The following RFX3 variants were observed in gnomAD, a reference collection of about 807,000 sequenced individuals.
The protein encoded by RFX3 is regulatory factor X3.
RFX3 carries 14 observed loss-of-function variants against 98.6 expected under a neutral mutation model. The observed-to-expected ratio is 0.14, with a 90% CI of 0.09 to 0.22. The LOEUF is 0.22. RFX3 is among the 10% of genes least tolerant of loss of function. The pLI, the probability that RFX3 is intolerant of heterozygous loss-of-function variation, is 1.00. For missense variants in RFX3, 639 were observed against 926.9 expected, an observed-to-expected ratio of 0.69 and a Z score of 4.03; for synonymous variants, 383 against 328.4, an observed-to-expected ratio of 1.17 and a Z score of -1.80.
At chr9:3,477,095 T>G (rs1005771782) in intron 1 of RFX3, among the ~76,000 whole-genome samples, 5 of 152,142 alleles carry the variant, frequency 3.3e-5, no homozygotes, top group African/African-American at 1.2e-4. Context: ...AATTTTTGTT[T>G]TACCTGAAAC....
intron 4 of RFX3, among the ~76,000 whole-genome samples, chr9:3,305,885 T>C (rs550654577): frequency 2.6e-4 from 39 of 152,050 alleles, no homozygotes; most frequent in African/African-American, 8.2e-4. Context: ...CTTCTGAGAG[T>C]TTACCAATCT....
chr9:3,380,891 A>G (rs1839120161), intron 2 of RFX3, among the ~76,000 whole-genome samples: 1 of 152,158 alleles, frequency 6.6e-6, no homozygotes, highest in South Asian at 2.1e-4. Flanking sequence ...TTTAAAGAGT[A>G]TGAATTTGTT....
chr9:3,237,645 C>G (rs964397625), intron 15 of RFX3, among the ~76,000 whole-genome samples: 1 of 152,184 alleles, frequency 6.6e-6, no homozygotes, highest in Admixed American at 6.5e-5. Context: ...CCTATCTACT[C>G]TACTTACCTA....
chr9:3,476,941 T>G (rs1448193326), intron 1 of RFX3, among the ~76,000 whole-genome samples: 1 of 152,126 alleles, frequency 6.6e-6, no homozygotes, highest in Non-Finnish European at 1.5e-5. Flanking sequence ...CTTTCTTAAT[T>G]CAATTTTCCC....
At chr9:3,285,956 T>C (rs1826537537) in intron 7 of RFX3, among the ~76,000 whole-genome samples, 1 of 151,782 alleles carries the variant, frequency 6.6e-6, no homozygotes, top group Non-Finnish European at 1.5e-5. Context: ...TCAGGTTTTT[T>C]TTATAAAGAA....
intron 1 of RFX3, among the ~76,000 whole-genome samples, chr9:3,405,492 T>C (rs1841872669): frequency 6.6e-6 from 1 of 152,204 alleles, no homozygotes; most frequent in African/African-American, 2.4e-5. Flanking sequence ...TAGATTTTCA[T>C]CTTTTCTATT....
intron 15 of RFX3, among the ~76,000 whole-genome samples, chr9:3,229,346 T>G (rs1342918684): frequency 6.6e-6 from 1 of 152,218 alleles, no homozygotes; most frequent in Non-Finnish European, 1.5e-5. Flanking sequence ...GAACTCTATT[T>G]TTAAAGCTTT....
chr9:3,522,556 C>CGT (rs111656079), intron 1 of RFX3, among the ~76,000 whole-genome samples: 10,171 of 145,306 alleles, frequency 0.07, 339 homozygotes, highest in Non-Finnish European at 0.084. Context: ...AGTGTGTGTG[C>CGT]GTGTGTGTGT....
intron 1 of RFX3, among the ~76,000 whole-genome samples, chr9:3,438,605 A>G (rs975737158): frequency 6.9e-5 from 10 of 145,696 alleles, no homozygotes; most frequent in Admixed American, 6.8e-4. Context: ...ATAGACTCCT[A>G]AAAAAGCAAG....
At chr9:3,447,368 T>C (rs1171866752) in intron 1 of RFX3, among the ~76,000 whole-genome samples, 1 of 152,020 alleles carries the variant, frequency 6.6e-6, no homozygotes, top group Non-Finnish European at 1.5e-5. Flanking sequence ...ATGGAGATAA[T>C]AACTGAATGA....
chr9:3,274,554 C>A (rs762906615), intron 9 of RFX3, among the ~76,000 whole-genome samples: 1 of 152,014 alleles, frequency 6.6e-6, no homozygotes, highest in African/African-American at 2.4e-5. Flanking sequence ...ATACTCAGAA[C>A]GAGAGTAGGA....
intron 1 of RFX3, chr9:3,453,787 T>C (rs1223958072): frequency 6.6e-6 from 1 of 151,090 alleles, no homozygotes; most frequent in East Asian, 1.9e-4. Flanking sequence ...ACATAAAACA[T>C]GTTTAATTAT....
intron 7 of RFX3, 65 bp from the exon 8 acceptor site, chr9:3,277,526 A>G (rs1825393085): frequency 7.1e-7 from 1 of 1,407,368 alleles, no homozygotes; most frequent in East Asian, 2.3e-5. Context: ...GTACTACCCG[A>G]AACTCCCAAA....
rs74865844 is a variant in RFX3, at chr9:3,285,314, T to C, written c.851+2817A>G. ...GTATTTTTACAAGAGACTGGCAGTCTCTTTATATAATTTTTACTGTATTCA... is the reference window on the plus strand; with the variant it reads ...GTATTTTTACAAGAGACTGGCAGTCCCTTTATATAATTTTTACTGTATTCA... On this transcript the variant is annotated intron_variant, in intron 7 of 16. Coordinates refer to ENST00000617270, the MANE Select transcript of RFX3 (RefSeq NM_001282116.2). 7.3e-4 allele frequency among the ~76,000 whole-genome samples: 111 copies of C among 152,008 alleles called. 1 individual carries two copies. In the East Asian group the frequency reaches 0.018, roughly 25 times the overall value.
At chr9:3,317,428 C>A (rs1159384829) in intron 4 of RFX3, among the ~76,000 whole-genome samples, 1 of 152,100 alleles carries the variant, frequency 6.6e-6, no homozygotes, top group East Asian at 1.9e-4. Context: ...AGAAGAAAAC[C>A]TAGGCAATAC....
intron 4 of RFX3, among the ~76,000 whole-genome samples, chr9:3,302,830 C>A (rs1828825355): frequency 6.6e-6 from 1 of 151,690 alleles, no homozygotes. Flanking sequence ...ATCAATTATA[C>A]CAACATTAAA....
chr9:3,281,885 T>C (rs560690337), intron 7 of RFX3, among the ~76,000 whole-genome samples: 1 of 151,872 alleles, frequency 6.6e-6, no homozygotes, highest in South Asian at 2.1e-4. Flanking sequence ...ATATTTACCA[T>C]TACATTCAAC....
chr9:3,321,718 T>A (rs879503050), intron 4 of RFX3, among the ~76,000 whole-genome samples: 2 of 152,186 alleles, frequency 1.3e-5, no homozygotes, highest in African/African-American at 4.8e-5. Flanking sequence ...AGTTTATCAA[T>A]ATTTTTCTTA....
intron 1 of RFX3, among the ~76,000 whole-genome samples, chr9:3,447,387 C>T (rs551613647): frequency 1.3e-5 from 2 of 151,940 alleles, no homozygotes; most frequent in Non-Finnish European, 2.9e-5. Context: ...GATTTCAGAG[C>T]CCAGCAATGC....
Sources: gnomAD v4.1 joint callset for allele counts (sites outside exome capture counted in the v4.1 genomes callset) on GRCh38, gnomAD v4.1.1 for gene constraint, MANE v1.5 for transcripts, NCBI Gene and HGNC (gene_info 2026-07-23, HGNC 2026-07-21) for gene names.